ICE1: variants seen among roughly 807,000 people sequenced by gnomAD.
The protein encoded by ICE1 is interactor of little elongation complex ELL subunit 1.
ICE1 carries 64 observed loss-of-function variants against 192.7 expected under a neutral mutation model. The observed-to-expected ratio is 0.33, with a 90% CI of 0.27 to 0.41. The LOEUF (loss-of-function observed/expected upper bound fraction) is 0.41, where lower values mean the gene tolerates loss of function less well. ICE1 is among the 10% of genes least tolerant of loss of function. The pLI, the probability that ICE1 is intolerant of heterozygous loss-of-function variation, is 1.00. For missense variants in ICE1, 2,708 were observed against 2,696.0 expected, an observed-to-expected ratio of 1.00 and a Z score of -0.10; for synonymous variants, 1,010 against 984.5, an observed-to-expected ratio of 1.03 and a Z score of -0.49.
intron 1 of ICE1, among the ~76,000 whole-genome samples, chr5:5,429,614 C>G (rs1224938874): frequency 6.6e-6 from 1 of 152,206 alleles, no homozygotes; most frequent in African/African-American, 2.4e-5. Context: ...CCATTATCAT[C>G]TGTATTTATT....
At position 5,457,739 on chromosome 5, in the gene ICE1, C is replaced by T; in HGVS notation, c.1099C>T (p.Pro367Ser). The T allele has an allele frequency of 1.2e-6, 2 of 1,608,566 alleles. No homozygotes were observed. Among genetic ancestry groups the T allele is most frequent in the Non-Finnish European group, 1.7e-6 (2 of 1,176,082 alleles). ...GGGTTCCTTACCGTCTTCATTTGCA[C>T]CTGTGAGTTTTGCTCTCTGAATTTG... ...HPGSLPSSFA[P>S]ETYFGEYTDS... The change falls in exon 12 of 19, where the codon CCT becomes TCT. Residue 367 changes from proline (P) to serine (S), a missense_variant and splice_region_variant. This residue lies in a region of ICE1 where 2,366 missense variants were observed against 2,276.6 expected (regional missense o/e 1.04). Transcript: ENST00000296564.
chr5:5,429,372 A>G (rs201567041), intron 1 of ICE1, among the ~76,000 whole-genome samples: 560 of 152,246 alleles, frequency 3.7e-3, no homozygotes, highest in Non-Finnish European at 5.8e-3. Context: ...GTGACAGCCA[A>G]TGGCCCACCT....
chr5:5,431,961 C>A (rs1458392220), intron 1 of ICE1, among the ~76,000 whole-genome samples: 2 of 151,358 alleles, frequency 1.3e-5, no homozygotes, highest in Non-Finnish European at 2.9e-5. Context: ...TTTCTCGTGT[C>A]TGGGTTTTTA....
intron 18 of ICE1, among the ~76,000 whole-genome samples, chr5:5,487,842 G>T (rs1275901419): frequency 6.6e-6 from 1 of 152,152 alleles, no homozygotes; most frequent in Non-Finnish European, 1.5e-5. Flanking sequence ...CTTGTGCATG[G>T]CACTGCCCCA....
chr5:5,439,472 A>T (rs1737974386), intron 3 of ICE1, among the ~76,000 whole-genome samples: 1 of 152,188 alleles, frequency 6.6e-6, no homozygotes, highest in Non-Finnish European at 1.5e-5. Flanking sequence ...TCTACAAAAC[A>T]TGCTTATATA....
Position 5,473,615 on chromosome 5 carries a change from T to G in ICE1, c.6280T>G (p.Cys2094Gly), listed in dbSNP as rs779183378. The change falls in exon 16 of 19, where the codon TGT (cysteine) becomes GGT (glycine). Residue 2094 changes from cysteine (C) to glycine (G), a missense_variant. By Grantham distance (159) the Cys-to-Gly change is radical. Coordinates refer to ENST00000296564, the MANE Select transcript of ICE1 (RefSeq NM_015325.3). ...TAAGCTGCTTTTGACCATACAGTTA[T>G]GTCCAAAAACAGAATTTCAACCTAG... ...VSKLLLTIQL[C>G]PKTEFQPSEK... 6.2e-7 allele frequency: 1 copy of G among 1,613,738 alleles called. No individual in the cohort carries two copies. Among genetic ancestry groups the G allele is most frequent in the Non-Finnish European group, 8.5e-7 (1 of 1,179,826 alleles).
At chr5:5,466,253 T>A in intron 13 of ICE1, 81 bp from the exon 14 acceptor site, 1 of 1,312,230 alleles carries the variant, frequency 7.6e-7, no homozygotes, top group South Asian at 1.6e-5. Context: ...ATACTTAAGT[T>A]TTGTAACTTT....
rs1737347786 is a variant in ICE1, at chr5:5,422,842, T to C, written c.-74T>C. On this transcript the variant is annotated 5_prime_UTR_variant, in exon 1 of 19. Coordinates refer to ENST00000296564, the MANE Select transcript of ICE1 (RefSeq NM_015325.3). ...CTGGCAGGCGGCGGCCCCGGCGGCATCAGCAGAGACAGGACGGGGCCGACG... is the reference window on the plus strand; with the variant it reads ...CTGGCAGGCGGCGGCCCCGGCGGCACCAGCAGAGACAGGACGGGGCCGACG... 1 of 1,115,504 alleles carries C rather than the reference T, an allele frequency of 9.0e-7. No individual in the cohort carries two copies. The highest frequency in any genetic ancestry group is 1.1e-6 in the Non-Finnish European group (1 of 883,656). The allele number at this position is 1,115,504 out of a possible 1,614,324, so 69.1% of individuals were successfully genotyped here.
intron 1 of ICE1, among the ~76,000 whole-genome samples, chr5:5,426,696 C>T (rs1261536211): frequency 2.0e-5 from 3 of 152,064 alleles, no homozygotes; most frequent in Non-Finnish European, 2.9e-5. Context: ...GAGTGCGTTC[C>T]AGAGGGAATC....
At chr5:5,469,120 C>G (rs552273013) in intron 15 of ICE1, 132 bp downstream of exon 15, 3 of 607,862 alleles carry the variant, frequency 4.9e-6, no homozygotes, top group Non-Finnish European at 5.0e-6. Context: ...AAAATTTAAT[C>G]AGTTTAGCCT....
Position 5,464,231 on chromosome 5 carries a change from C to A in ICE1, c.4897C>A (p.Pro1633Thr). 1 of 1,613,568 alleles carries A rather than the reference C, an allele frequency of 6.2e-7. No individual in the cohort carries two copies. The highest frequency in any genetic ancestry group is 1.3e-5 in the African/African-American group (1 of 74,934). ...KIRQEVGPPL[P>T]PLLAPLIATP... ...ACGGCAAGAGGTGGGGCCTCCTTTG[C>A]CGCCTCTGCTTGCTCCTCTGATAGC... Residue 1633 changes from proline (P) to threonine (T), a missense_variant, in exon 13 of 19, where the codon CCG becomes ACG. Around this residue, in one of 2 missense-constraint regions of ICE1, gnomAD observed 2,366 missense variants for 2,276.6 expected, o/e 1.04. Transcript: ENST00000296564. This position sits in a 1 kb window ranked among gnomAD's most constrained non-coding sequence, Gnocchi z 4.0.
intron 1 of ICE1, among the ~76,000 whole-genome samples, chr5:5,433,305 A>C (rs534359242): frequency 2.0e-5 from 3 of 152,134 alleles, no homozygotes; most frequent in Non-Finnish European, 4.4e-5. Flanking sequence ...GATTGGGATT[A>C]AATGCTTATG....
intron 16 of ICE1, 116 bp downstream of exon 16, chr5:5,473,864 TTACAAATTA>T: frequency 1.5e-6 from 1 of 659,280 alleles, no homozygotes. Context: ...GATGAAACAT[TTACAAATTA>T]CACTGTTTTT....
chr5:5,431,914 G>T (rs1266406207), intron 1 of ICE1, among the ~76,000 whole-genome samples: 3 of 151,576 alleles, frequency 2.0e-5, no homozygotes, highest in Non-Finnish European at 4.4e-5. Context: ...GGGGCCTCTT[G>T]TGTTGATACC....
intron 10 of ICE1, among the ~76,000 whole-genome samples, chr5:5,450,872 A>T (rs1016766405): frequency 6.6e-6 from 1 of 152,206 alleles, no homozygotes; most frequent in Non-Finnish European, 1.5e-5. Context: ...GACTGGCCAA[A>T]TCTATTTTCG....
At chr5:5,477,844 G>A (rs768251917) in intron 17 of ICE1, among the ~76,000 whole-genome samples, 2 of 152,188 alleles carry the variant, frequency 1.3e-5, no homozygotes, top group Non-Finnish European at 2.9e-5. Context: ...AAAGCAATAA[G>A]CCTAATCCAT....
At chr5:5,468,545 A>G (rs1200999532) in intron 14 of ICE1, among the ~76,000 whole-genome samples, 1 of 152,262 alleles carries the variant, frequency 6.6e-6, no homozygotes, top group African/African-American at 2.4e-5. Context: ...ATAAAAACCT[A>G]TGTAATGTAA....
rs574460280 is a variant in ICE1 at position 5,489,658 on chromosome 5, T to C, written c.*328T>C. ...TGTCCTTTTAGTGGCTTCTTAAAAT[T>C]GAGTGGCATTTTATAATGAACTTAC... On this transcript the variant is annotated 3_prime_UTR_variant, in exon 19 of 19. Transcript: ENST00000296564. 2.2e-5 allele frequency: 4 copies of C among 182,236 alleles called. No homozygotes were observed. The highest frequency in any genetic ancestry group is 4.5e-5 in the Non-Finnish European group (4 of 88,548). The allele number at this position is 182,236 out of a possible 1,614,324, so 11.3% of individuals were successfully genotyped here.
At chr5:5,439,779 G>T in intron 3 of ICE1, 116 bp from the exon 4 acceptor site, 2 of 583,366 alleles carry the variant, frequency 3.4e-6, no homozygotes, top group South Asian at 3.0e-5. Context: ...TAGTATTTAT[G>T]ATCTTGCCTG....
Sources: gnomAD v4.1 joint callset for allele counts (sites outside exome capture counted in the v4.1 genomes callset) on GRCh38, gnomAD v4.1.1 for gene constraint, gnomAD v4.1.1 regional missense constraint, Gnocchi (gnomAD v3.1) non-coding constraint, MANE v1.5 for transcripts, NCBI Gene and HGNC (gene_info 2026-07-23, HGNC 2026-07-21) for gene names.